KHDRBS2: variants seen among roughly 807,000 people sequenced by gnomAD.
The protein encoded by KHDRBS2 is KH RNA binding domain containing, signal transduction associated 2.
KHDRBS2 carries 26 observed loss-of-function variants against 44.3 expected under a neutral mutation model. That is an observed-to-expected ratio of 0.59 (90% confidence interval 0.43 to 0.81). The LOEUF is 0.81. KHDRBS2 is among the 40% of genes least tolerant of loss of function. KHDRBS2 has a pLI of 0.00. For synonymous variants in KHDRBS2, 194 were observed against 151.1 expected (o/e 1.28, Z -2.08); for missense variants, 476 against 433.1 (o/e 1.10, Z -0.88).
intron 6 of KHDRBS2, among the ~76,000 whole-genome samples, chr6:61,776,992 C>T (rs1303997314): frequency 6.6e-6 from 1 of 152,136 alleles, no homozygotes; most frequent in African/African-American, 2.4e-5. Flanking sequence ...TTTGTAGGGA[C>T]ATGGACGAAA....
intron 2 of KHDRBS2, among the ~76,000 whole-genome samples, chr6:62,051,661 C>T (rs1204764729): frequency 2.6e-5 from 4 of 151,988 alleles, no homozygotes; most frequent in African/African-American, 9.7e-5. Context: ...TAAAAAACTC[C>T]TTCAGAGCAA....
chr6:61,954,850 GCA>G (rs1562513849), intron 4 of KHDRBS2, among the ~76,000 whole-genome samples: 4,643 of 43,392 alleles, frequency 0.11, 1,388 homozygotes, highest in African/African-American at 0.38. Context: ...GTATACATAT[GCA>G]TGTGTATATA....
At chr6:61,777,073 G>T (rs1412160593) in intron 6 of KHDRBS2, among the ~76,000 whole-genome samples, 8 of 151,850 alleles carry the variant, frequency 5.3e-5, no homozygotes, top group Non-Finnish European at 7.4e-5. Context: ...TCACTCATAG[G>T]TGGGAACTGA....
At chr6:61,674,562 A>G in the KHDRBS2 span, among the ~76,000 whole-genome samples, 3 of 151,808 alleles carry the variant, frequency 2.0e-5, no homozygotes, top group South Asian at 6.2e-4. Flanking sequence ...CTTGTCCAGC[A>G]TATATGCTCA....
chr6:62,077,510 G>C (rs1179230012), intron 2 of KHDRBS2, among the ~76,000 whole-genome samples: 1 of 152,008 alleles, frequency 6.6e-6, no homozygotes, highest in Non-Finnish European at 1.5e-5. Context: ...GATCTTGAAT[G>C]AGGCAATTTT....
chr6:61,571,023 T>C, the KHDRBS2 span, among the ~76,000 whole-genome samples: 1 of 150,826 alleles, frequency 6.6e-6, no homozygotes, highest in Admixed American at 6.6e-5. Flanking sequence ...AAAAACAAGG[T>C]ATTAAGGCAA....
At chr6:61,652,036 C>G in the KHDRBS2 span, among the ~76,000 whole-genome samples, 1 of 152,042 alleles carries the variant, frequency 6.6e-6, no homozygotes, top group Non-Finnish European at 1.5e-5. Flanking sequence ...TCTGGAAACT[C>G]CTTTCTAGGA....
chr6:62,058,976 AC>A (rs1256745553), intron 2 of KHDRBS2, among the ~76,000 whole-genome samples: 1 of 151,708 alleles, frequency 6.6e-6, no homozygotes, highest in Non-Finnish European at 1.5e-5. Context: ...CTCACAAGTA[AC>A]CACATTTGCT....
At chr6:61,550,907 G>T in the KHDRBS2 span, among the ~76,000 whole-genome samples, 2 of 151,790 alleles carry the variant, frequency 1.3e-5, no homozygotes, top group Non-Finnish European at 2.9e-5. Context: ...AAGTAGCTGG[G>T]ACTACAAGGC....
At chr6:61,577,967 C>T in the KHDRBS2 span, among the ~76,000 whole-genome samples, 2 of 152,214 alleles carry the variant, frequency 1.3e-5, no homozygotes, top group East Asian at 3.9e-4. Flanking sequence ...TAAGTAAATA[C>T]TTGAGAACTA....
the KHDRBS2 span, among the ~76,000 whole-genome samples, chr6:61,602,591 G>A: frequency 6.5e-3 from 994 of 152,204 alleles, 7 homozygotes; most frequent in South Asian, 0.01. Flanking sequence ...CTGCCCGATC[G>A]CCTCAGAAGC....
At chr6:61,549,458 C>T in the KHDRBS2 span, among the ~76,000 whole-genome samples, 2 of 152,082 alleles carry the variant, frequency 1.3e-5, no homozygotes, top group African/African-American at 4.8e-5. Context: ...TTATGAATAA[C>T]AGCAATAAGC....
At chr6:62,051,951 T>G (rs1307727311) in intron 2 of KHDRBS2, among the ~76,000 whole-genome samples, 1 of 151,984 alleles carries the variant, frequency 6.6e-6, no homozygotes, top group Non-Finnish European at 1.5e-5. Context: ...CTCATACTTA[T>G]CAGGATAGCT....
Position 62,194,480 on chromosome 6 carries a change from C to CTT in KHDRBS2, c.92-17170_92-17169dup, listed in dbSNP as rs70996208. ...CACTTTCTTTTCTTTTCTTTTCTTC[C>CTT]TTTTTTTTTTTTTTTTTTTTTTTTT... is the stretch of plus-strand genomic sequence containing the variant. On this transcript the variant is annotated intron_variant, in intron 1 of 8. Coordinates refer to ENST00000281156, the MANE Select transcript of KHDRBS2 (RefSeq NM_152688.4). Among the ~76,000 whole-genome samples the CTT allele has an allele frequency of 6.2e-4, 43 of 69,766 alleles. 7 individuals carry two copies. Among genetic ancestry groups the CTT allele is most frequent in the African/African-American group, 8.5e-4 (13 of 15,310 alleles). The allele number at this position is 69,766 out of a possible 152,430, so 45.8% of individuals were successfully genotyped here. A position where few individuals can be genotyped will look rare whatever the true frequency, so the allele number is the denominator to read the frequency against.
intron 2 of KHDRBS2, among the ~76,000 whole-genome samples, chr6:62,090,586 A>C (rs996014658): frequency 1.3e-5 from 2 of 151,688 alleles, no homozygotes; most frequent in Non-Finnish European, 2.9e-5. Flanking sequence ...TTACTTATTT[A>C]ATTTTTTTTA....
chr6:61,939,249 T>TTA (rs3076278), intron 4 of KHDRBS2, among the ~76,000 whole-genome samples: 60,082 of 151,944 alleles, frequency 0.4, 12,026 homozygotes, highest in East Asian at 0.47. Context: ...CTTAACATAG[T>TTA]TATGTATAGA....
At chr6:61,833,768 A>G (rs1248953627) in intron 6 of KHDRBS2, among the ~76,000 whole-genome samples, 2 of 152,144 alleles carry the variant, frequency 1.3e-5, no homozygotes, top group East Asian at 1.9e-4. Flanking sequence ...TTTGTAAAAT[A>G]TATTTCTGGA....
At chr6:62,019,217 T>C (rs1159722625) in intron 3 of KHDRBS2, among the ~76,000 whole-genome samples, 1 of 152,070 alleles carries the variant, frequency 6.6e-6, no homozygotes, top group African/African-American at 2.4e-5. Flanking sequence ...GTAGTATTAG[T>C]AAGTACTAAT....
At chr6:61,632,674 G>T in the KHDRBS2 span, among the ~76,000 whole-genome samples, 3 of 152,082 alleles carry the variant, frequency 2.0e-5, no homozygotes, top group Admixed American at 6.6e-5. Context: ...CAATCCCTAT[G>T]AAGATGGTTA....
Sources: gnomAD v4.1 joint callset for allele counts (sites outside exome capture counted in the v4.1 genomes callset) on GRCh38, gnomAD v4.1.1 for gene constraint, MANE v1.5 for transcripts, NCBI Gene and HGNC (gene_info 2026-07-23, HGNC 2026-07-21) for gene names.